The following ARMCX4 variants were observed in gnomAD, a reference collection of about 807,000 sequenced individuals.
The protein encoded by ARMCX4 is armadillo repeat containing X-linked 4.
A neutral mutation model predicts 34.7 loss-of-function variants in ARMCX4; 3 were observed. The observed-to-expected ratio is 0.09, with a 90% CI of 0.04 to 0.22. The LOEUF is 0.22. ARMCX4 is among the 10% of genes least tolerant of loss of function. The pLI is 1.00. For missense variants in ARMCX4, 1,448 were observed against 1,720.8 expected, an observed-to-expected ratio of 0.84 and a Z score of 2.81; for synonymous variants, 513 against 632.8, an observed-to-expected ratio of 0.81 and a Z score of 2.84.
chrX:101,424,389 C>G (rs1351304643), intron 2 of ARMCX4, among the ~76,000 whole-genome samples: 3 of 111,513 alleles, frequency 2.7e-5, no homozygotes, highest in African/African-American at 9.8e-5. Flanking sequence ...GTGACCCTCT[C>G]TAGCAAATTA....
chrX:101,501,981 C>A (rs897729185), intron 7 of ARMCX4, among the ~76,000 whole-genome samples: 1 of 112,473 alleles, frequency 8.9e-6, no homozygotes, highest in South Asian at 3.7e-4. Flanking sequence ...TTGGAAGTCC[C>A]TATGGGAAAG....
chrX:101,422,183 T>C (rs1340690015), intron 2 of ARMCX4, among the ~76,000 whole-genome samples: 1 of 107,975 alleles, frequency 9.3e-6, no homozygotes, highest in Non-Finnish European at 1.9e-5. Flanking sequence ...GCCAGGCCAA[T>C]TTTTGTATTT....
intron 11 of ARMCX4, among the ~76,000 whole-genome samples, chrX:101,524,774 A>G (rs1464029346): frequency 8.9e-6 from 1 of 111,800 alleles, no homozygotes; most frequent in East Asian, 2.8e-4. Flanking sequence ...AGGCTTGAGT[A>G]GGTAAACAAA....
rs970731069 is a variant in ARMCX4, at chrX:101,462,682, A to C, written c.-473+16638A>C. ...ATAAAAATTTGTAAAGAGCAAAAAT[A>C]TATAACCCCCCCAAAAATTAGATAC... On this transcript the variant is annotated intron_variant and NMD_transcript_variant, in intron 4 of 15. Coordinates refer to the ARMCX4 transcript ENST00000433011. Among the ~76,000 whole-genome samples, 31 of 110,144 alleles carry C rather than the reference A, an allele frequency of 2.8e-4. 1 individual carries two copies. Among genetic ancestry groups the C allele is most frequent in the Middle Eastern group, 4.7e-3 (1 of 212 alleles).
intron 11 of ARMCX4, among the ~76,000 whole-genome samples, chrX:101,512,879 G>GAGAA (rs1934625218): frequency 3.9e-5 from 4 of 102,147 alleles, no homozygotes; most frequent in Non-Finnish European, 7.9e-5. Context: ...TGTAGAGAGA[G>GAGAA]AGAGAGAGAG....
intron 11 of ARMCX4, among the ~76,000 whole-genome samples, chrX:101,515,331 TCTTTC>T (rs1188932084): frequency 9.4e-6 from 1 of 105,913 alleles, no homozygotes; most frequent in African/African-American, 3.5e-5. Context: ...TCCCTTTCTT[TCTTTC>T]CTTTCCTTTT....
At position 101,494,949 on chromosome X, in the gene ARMCX4, T is replaced by G; in HGVS notation, c.6360T>G (p.Val2120=). 8.7e-7 allele frequency: 1 copy of G among 1,154,899 alleles called. No homozygotes were observed. ...ISVAAENHRK[V]KTYLNQVCED... is the part of the protein sequence containing the mutation. ...TGGCTGCTGAAAACCATAGGAAGGT[T>G]AAAACTTACTTAAACCAAGTATGTG... The change falls in exon 6 of 6, where the codon GTT becomes GTG. Residue 2120 remains valine, a synonymous_variant. Transcript: ENST00000423738.
At chrX:101,474,959 G>A (rs1163923758) in intron 4 of ARMCX4, among the ~76,000 whole-genome samples, 3 of 100,268 alleles carry the variant, frequency 3.0e-5, no homozygotes, top group African/African-American at 1.1e-4. Context: ...GTTCTGGCCA[G>A]GGCAATTAGG....
chrX:101,424,351 A>T (rs1021385576), intron 2 of ARMCX4, among the ~76,000 whole-genome samples: 8 of 111,288 alleles, frequency 7.2e-5, no homozygotes, highest in African/African-American at 2.6e-4. Context: ...CTTTATAATA[A>T]ACCTGTAAAC....
chrX:101,467,670 G>T (rs1033900940), intron 4 of ARMCX4, among the ~76,000 whole-genome samples: 3 of 111,691 alleles, frequency 2.7e-5, no homozygotes, highest in South Asian at 3.7e-4. Context: ...TTCATGGTGG[G>T]GGGGGGACGG....
intron 2 of ARMCX4, among the ~76,000 whole-genome samples, chrX:101,433,445 C>A (rs1930452942): frequency 9.1e-6 from 1 of 110,480 alleles, no homozygotes; most frequent in African/African-American, 3.3e-5. Flanking sequence ...CACACACACA[C>A]ACGTACTTAG....
chrX:101,440,192 A>G (rs1311057639), intron 2 of ARMCX4, among the ~76,000 whole-genome samples: 10 of 111,809 alleles, frequency 8.9e-5, no homozygotes, highest in Admixed American at 2.9e-4. Flanking sequence ...TTTTCCTTCT[A>G]ACAGACAGGA....
rs782674528 is a variant in ARMCX4, at chrX:101,530,037, A to AT, written c.*1781-1602dup. Reference sequence around the variant, plus strand: ...CTATTATAAAGACACATGCACACGTATTTTTATTGCGGTACTATTCACAAT... The same window carrying AT: ...CTATTATAAAGACACATGCACACGTATTTTTTATTGCGGTACTATTCACAAT... On this transcript the variant is annotated intron_variant and NMD_transcript_variant, in intron 11 of 12. Coordinates refer to the ARMCX4 transcript ENST00000354842. Among the ~76,000 whole-genome samples, 3 of 112,117 alleles carry AT rather than the reference A, an allele frequency of 2.7e-5. No homozygotes were observed. The South Asian group carries it at 1.1e-3, about 42-fold the overall frequency.
At chrX:101,520,773 G>A (rs955028760) in intron 11 of ARMCX4, among the ~76,000 whole-genome samples, 1 of 110,658 alleles carries the variant, frequency 9.0e-6, no homozygotes, top group Admixed American at 9.7e-5. Flanking sequence ...TACAGGATGA[G>A]TTTTGAAGTG....
chrX:101,528,804 C>T (rs1288865742), intron 11 of ARMCX4, among the ~76,000 whole-genome samples: 1 of 110,612 alleles, frequency 9.0e-6, no homozygotes, highest in Non-Finnish European at 1.9e-5. Context: ...TCAAGGAGAA[C>T]GACAGACCAC....
At chrX:101,425,232 A>G in intron 2 of ARMCX4, among the ~76,000 whole-genome samples, 1 of 111,781 alleles carries the variant, frequency 8.9e-6, no homozygotes, top group Non-Finnish European at 1.9e-5. Flanking sequence ...AACAATGTCC[A>G]TTGCTGCTCA....
chrX:101,488,331 T>G, intron 5 of ARMCX4, 113 bp from the exon 6 acceptor site: 2 of 695,547 alleles, frequency 2.9e-6, no homozygotes, highest in Non-Finnish European at 4.1e-6. Context: ...CTAATCATCC[T>G]CTCTTCCACC....
At chrX:101,427,168 G>A (rs1325514112) in intron 2 of ARMCX4, among the ~76,000 whole-genome samples, 3 of 112,303 alleles carry the variant, frequency 2.7e-5, no homozygotes, top group Non-Finnish European at 5.6e-5. Context: ...AGCCAGGCTA[G>A]GAAGGGAATA....
intron 11 of ARMCX4, among the ~76,000 whole-genome samples, chrX:101,520,393 T>C (rs1295325891): frequency 8.9e-6 from 1 of 112,496 alleles, no homozygotes; most frequent in Non-Finnish European, 1.9e-5. Flanking sequence ...ATACGTTATC[T>C]GTGGGTTTTT....
Sources: allele counts gnomAD v4.1 joint callset (sites outside exome capture counted in the v4.1 genomes callset), GRCh38; gene constraint gnomAD v4.1.1; transcripts MANE v1.5; gene names NCBI Gene and HGNC (gene_info 2026-07-23, HGNC 2026-07-21).